The following ALG5 variants were observed in gnomAD, a reference collection of about 807,000 sequenced individuals.
ALG5 encodes the protein ALG5 dolichyl-phosphate beta-glucosyltransferase, also known as dolichyl-phosphate beta-glucosyltransferase.
A neutral mutation model predicts 51.8 loss-of-function variants in ALG5; 26 were observed. The ratio of observed to expected loss-of-function variants is 0.50; its 90% CI spans 0.37 to 0.70. The LOEUF is 0.70. Among genes scored for constraint, ALG5 ranks in the 30% least tolerant of loss-of-function variants. The pLI is 0.00. For synonymous variants in ALG5, 141 were observed against 136.1 expected, an observed-to-expected ratio of 1.04 and a Z score of -0.25; for missense variants, 311 against 399.3, an observed-to-expected ratio of 0.78 and a Z score of 1.88.
At chr13:36,970,715 C>A (rs966217095) in intron 7 of ALG5, among the ~76,000 whole-genome samples, 5 of 152,156 alleles carry the variant, frequency 3.3e-5, no homozygotes, top group Non-Finnish European at 7.3e-5. Context: ...GAGTTTGAGA[C>A]CAGCTTGGCC....
intron 5 of ALG5, among the ~76,000 whole-genome samples, chr13:36,987,760 A>G (rs1377530504): frequency 6.6e-6 from 1 of 152,132 alleles, no homozygotes; most frequent in Non-Finnish European, 1.5e-5. Context: ...ACCCAATGCT[A>G]TGTCATTTTA....
chr13:36,983,526 G>C (rs57670680), intron 6 of ALG5, among the ~76,000 whole-genome samples: 7,829 of 150,994 alleles, frequency 0.052, 670 homozygotes, highest in African/African-American at 0.18. Context: ...CAGGAGGATG[G>C]AGTTTGAGTC....
chr13:36,968,234 T>C (rs58286465), intron 7 of ALG5, among the ~76,000 whole-genome samples: 3,957 of 152,306 alleles, frequency 0.026, 125 homozygotes, highest in African/African-American at 0.079. Context: ...TCTTCTGAAA[T>C]GGCCATTTAA....
At chr13:36,997,300 C>T (rs2059055217) in intron 1 of ALG5, among the ~76,000 whole-genome samples, 1 of 151,326 alleles carries the variant, frequency 6.6e-6, no homozygotes, top group Non-Finnish European at 1.5e-5. Context: ...TGGCGAAACC[C>T]CATCTCTATT....
intron 8 of ALG5, 36 bp from the exon 9 acceptor site, chr13:36,952,635 GACAAATAGA>G: frequency 2.3e-6 from 3 of 1,317,548 alleles, no homozygotes; most frequent in Non-Finnish European, 3.1e-6. Context: ...TATTTTTAAA[GACAAATAGA>G]ACACAACTAC....
At chr13:36,982,917 G>A (rs944789047) in intron 6 of ALG5, among the ~76,000 whole-genome samples, 2 of 152,092 alleles carry the variant, frequency 1.3e-5, no homozygotes, top group African/African-American at 4.8e-5. Context: ...GTAAAACCAA[G>A]GCTACGAATT....
intron 8 of ALG5, among the ~76,000 whole-genome samples, chr13:36,959,828 A>AAT (rs2058857781): frequency 6.6e-6 from 1 of 152,032 alleles, no homozygotes; most frequent in African/African-American, 2.4e-5. Context: ...TTAATAGAGG[A>AAT]ATGTGCTTTA....
chr13:36,986,252 CA>C (rs1470750095), intron 5 of ALG5, among the ~76,000 whole-genome samples: 2 of 152,070 alleles, frequency 1.3e-5, no homozygotes, highest in African/African-American at 4.8e-5. Flanking sequence ...TAAAAAGTGT[CA>C]ATAAACTTTA....
At chr13:36,978,050 C>A (rs911102014) in intron 6 of ALG5, among the ~76,000 whole-genome samples, 1 of 151,312 alleles carries the variant, frequency 6.6e-6, no homozygotes, top group African/African-American at 2.4e-5. Flanking sequence ...CCATGCCCGG[C>A]TAATTTTTTG....
chr13:36,992,085 A>C (rs907889151), intron 4 of ALG5, among the ~76,000 whole-genome samples: 1 of 152,228 alleles, frequency 6.6e-6, no homozygotes, highest in African/African-American at 2.4e-5. Flanking sequence ...CCAACTCTGG[A>C]ATCAACTATT....
At chr13:36,970,114 C>T (rs1247196053) in intron 7 of ALG5, among the ~76,000 whole-genome samples, 4 of 150,774 alleles carry the variant, frequency 2.7e-5, no homozygotes, top group Non-Finnish European at 5.9e-5. Context: ...TGCTGAAGAT[C>T]TTAGACACAT....
At chr13:36,962,034 C>G (rs763412363) in intron 8 of ALG5, among the ~76,000 whole-genome samples, 1 of 152,108 alleles carries the variant, frequency 6.6e-6, no homozygotes, top group Non-Finnish European at 1.5e-5. Flanking sequence ...GTGATCCACC[C>G]GCTTCGGCCT....
chr13:36,956,432 A>G (rs2058840009), intron 8 of ALG5, among the ~76,000 whole-genome samples: 1 of 152,176 alleles, frequency 6.6e-6, no homozygotes, highest in African/African-American at 2.4e-5. Context: ...TCCCTCAAAA[A>G]ACTAAAAACA....
intron 8 of ALG5, among the ~76,000 whole-genome samples, chr13:36,957,959 T>G (rs1340856957): frequency 6.6e-6 from 1 of 152,088 alleles, no homozygotes; most frequent in Non-Finnish European, 1.5e-5. Flanking sequence ...GCGTTTAAAG[T>G]GGCTGGTGTG....
At chr13:36,989,773 T>C (rs1356527183) in intron 4 of ALG5, among the ~76,000 whole-genome samples, 197 bp from the exon 5 acceptor site, 1 of 152,208 alleles carries the variant, frequency 6.6e-6, no homozygotes, top group Non-Finnish European at 1.5e-5. Context: ...GTTGAAATCA[T>C]AGTTCAGTTT....
chr13:36,950,183 A>G (rs1372010488), intron 9 of ALG5, 126 bp from the exon 10 acceptor site: 7 of 544,002 alleles, frequency 1.3e-5, no homozygotes, highest in South Asian at 3.1e-5. Context: ...ATCATGGACC[A>G]AAAAGTTAAA....
chr13:36,955,686 G>GAAAAAAAA (rs35130767), intron 8 of ALG5, among the ~76,000 whole-genome samples: 3 of 36,490 alleles, frequency 8.2e-5, no homozygotes, highest in Non-Finnish European at 2.1e-4. Flanking sequence ...CAGAGATTGT[G>GAAAAAAAA]AAAAAAAAAA....
rs545319537 is a variant in ALG5 at position 36,968,055 on chromosome 13, A to C, written c.622-2329T>G. ...AGAGTTCACATGAAGACCTTAAGTT[A>C]TTTGATTTCTAACATATTTAAAAGC... On this transcript the variant is annotated intron_variant, in intron 7 of 9. Coordinates refer to ENST00000239891, the MANE Select transcript of ALG5 (RefSeq NM_013338.5). 108 of 186,758 alleles carry C rather than the reference A, an allele frequency of 5.8e-4. 1 individual carries two copies. The highest frequency in any genetic ancestry group is 2.4e-3 in the African/African-American group (102 of 42,680). The allele number at this position is 186,758 out of a possible 1,614,324, so 11.6% of individuals were successfully genotyped here.
At chr13:36,986,408 C>T (rs969659695) in intron 5 of ALG5, among the ~76,000 whole-genome samples, 1 of 152,094 alleles carries the variant, frequency 6.6e-6, no homozygotes, top group African/African-American at 2.4e-5. Context: ...ATAAACTGCA[C>T]ATCAACTTTT....
Sources: gnomAD v4.1 joint callset for allele counts (sites outside exome capture counted in the v4.1 genomes callset) on GRCh38, gnomAD v4.1.1 for gene constraint, MANE v1.5 for transcripts, NCBI Gene and HGNC (gene_info 2026-07-23, HGNC 2026-07-21) for gene names.